The following MKLN1 variants were observed in gnomAD, a reference collection of about 807,000 sequenced individuals.
MKLN1 encodes the protein muskelin.
In MKLN1, 18 loss-of-function variants were observed where a neutral mutation model predicts 99.0. The observed-to-expected ratio is 0.18, with a 90% CI of 0.13 to 0.27. MKLN1 has a LOEUF of 0.27. MKLN1 is among the 10% of genes least tolerant of loss of function. The pLI is 1.00. For synonymous variants in MKLN1, 288 were observed against 293.2 expected, an observed-to-expected ratio of 0.98 and a Z score of 0.18; for missense variants, 621 against 875.9, an observed-to-expected ratio of 0.71 and a Z score of 3.67.
At chr7:131,208,046 T>C (rs928124939) in intron 3 of MKLN1, among the ~76,000 whole-genome samples, 5 of 152,190 alleles carry the variant, frequency 3.3e-5, no homozygotes, top group Non-Finnish European at 5.9e-5. Flanking sequence ...TTTTCAATTG[T>C]CCCAGACCTT....
At position 131,496,008 on chromosome 7, in the gene MKLN1, C is replaced by T. The variant is rs1797548408; in HGVS notation, c.*8280C>T. On this transcript the variant is annotated 3_prime_UTR_variant, in exon 18 of 18. Transcript: ENST00000352689. ...CCAAAAGAAAAACAGACAAAATGAA[C>T]ATGAAGCAAGGAGTCCATAAAACAA... 6.6e-6 allele frequency: 1 copy of T among 151,206 alleles called. No individual in the cohort carries two copies. The highest frequency in any genetic ancestry group is 2.1e-4 in the South Asian group (1 of 4,834). 9.4% of individuals were successfully genotyped at this position (151,206 alleles called of 1,614,324 possible).
At chr7:131,341,924 C>G (rs1490376980) in intron 1 of MKLN1, among the ~76,000 whole-genome samples, 1 of 152,230 alleles carries the variant, frequency 6.6e-6, no homozygotes, top group Non-Finnish European at 1.5e-5. Context: ...CAGTTCCTTA[C>G]AGGAACCAGT....
chr7:131,305,937 G>C (rs1443398860), intron 3 of MKLN1, among the ~76,000 whole-genome samples: 2 of 152,154 alleles, frequency 1.3e-5, no homozygotes, highest in Admixed American at 1.3e-4. Flanking sequence ...TCCCCACCCA[G>C]ATCTCATCTC....
intron 1 of MKLN1, among the ~76,000 whole-genome samples, chr7:131,372,545 C>G (rs1192618341): frequency 6.6e-6 from 1 of 152,010 alleles, no homozygotes; most frequent in African/African-American, 2.4e-5. Context: ...TTTTCCCCTT[C>G]ACTTACTATG....
chr7:131,199,668 G>A (rs369863068), intron 2 of MKLN1, among the ~76,000 whole-genome samples: 1 of 152,128 alleles, frequency 6.6e-6, no homozygotes, highest in East Asian at 1.9e-4. Context: ...CTTTTTCTGA[G>A]CACGTGAAAT....
intron 6 of MKLN1, among the ~76,000 whole-genome samples, chr7:131,404,294 G>A (rs1372142550): frequency 1.3e-5 from 2 of 152,134 alleles, no homozygotes; most frequent in Non-Finnish European, 2.9e-5. Context: ...TACTAGTGAA[G>A]GCAACTGGAC....
At chr7:131,336,258 C>A (rs747768104) in intron 1 of MKLN1, among the ~76,000 whole-genome samples, 2 of 152,028 alleles carry the variant, frequency 1.3e-5, no homozygotes, top group Non-Finnish European at 2.9e-5. Context: ...GCTACACCTG[C>A]TTTATTTTGG....
intron 2 of MKLN1, among the ~76,000 whole-genome samples, chr7:131,169,117 G>A (rs1314433267): frequency 6.6e-6 from 1 of 152,056 alleles, no homozygotes; most frequent in Non-Finnish European, 1.5e-5. Flanking sequence ...TGCCCTCCTT[G>A]GCCTCCCAAA....
intron 3 of MKLN1, among the ~76,000 whole-genome samples, chr7:131,282,569 T>A (rs1268326034): frequency 2.6e-5 from 4 of 152,150 alleles, no homozygotes; most frequent in Non-Finnish European, 5.9e-5. Flanking sequence ...TATAGAGGTC[T>A]AGGAGAAATA....
chr7:131,202,679 C>T (rs1341704857), intron 2 of MKLN1, among the ~76,000 whole-genome samples: 5 of 152,180 alleles, frequency 3.3e-5, no homozygotes, highest in African/African-American at 4.8e-5. Flanking sequence ...TCATCACAAA[C>T]GTCTCCAGAC....
intron 3 of MKLN1, among the ~76,000 whole-genome samples, chr7:131,207,632 G>C (rs966963048): frequency 6.6e-6 from 1 of 152,158 alleles, no homozygotes. Context: ...CGGTTTCAAT[G>C]TACCATGGCC....
chr7:131,347,810 T>C (rs771724402), intron 1 of MKLN1, among the ~76,000 whole-genome samples: 3 of 152,228 alleles, frequency 2.0e-5, no homozygotes, highest in Non-Finnish European at 4.4e-5. Flanking sequence ...TGGATTAATA[T>C]TACTAGTAAG....
intron 1 of MKLN1, among the ~76,000 whole-genome samples, chr7:131,328,907 C>G (rs754470297): frequency 6.6e-6 from 1 of 152,082 alleles, no homozygotes; most frequent in Non-Finnish European, 1.5e-5. Context: ...TTTGGCTTAT[C>G]TTTGAAAGGA....
intron 2 of MKLN1, among the ~76,000 whole-genome samples, chr7:131,164,085 A>G (rs1468016599): frequency 6.6e-6 from 1 of 152,188 alleles, no homozygotes; most frequent in Non-Finnish European, 1.5e-5. Flanking sequence ...GCTTTTAAAC[A>G]GAAAAATAGA....
At chr7:131,427,333 A>G (rs1795387803) in intron 8 of MKLN1, among the ~76,000 whole-genome samples, 1 of 152,214 alleles carries the variant, frequency 6.6e-6, no homozygotes, top group African/African-American at 2.4e-5. Flanking sequence ...AGCATTTCCA[A>G]GTACACTTTG....
At chr7:131,246,398 C>A (rs749549411) in intron 3 of MKLN1, among the ~76,000 whole-genome samples, 1 of 152,192 alleles carries the variant, frequency 6.6e-6, no homozygotes, top group African/African-American at 2.4e-5. Context: ...TAAAGCTTCA[C>A]CCTAGACTAT....
intron 1 of MKLN1, among the ~76,000 whole-genome samples, chr7:131,116,323 A>G (rs997467548): frequency 3.9e-5 from 6 of 152,028 alleles, no homozygotes; most frequent in African/African-American, 1.5e-4. Context: ...GGATTTTAAG[A>G]TTTTGGAAGT....
intron 2 of MKLN1, among the ~76,000 whole-genome samples, chr7:131,154,554 A>G (rs1795937060): frequency 6.6e-6 from 1 of 152,184 alleles, no homozygotes; most frequent in African/African-American, 2.4e-5. Flanking sequence ...ATGTATAGAC[A>G]TGTCTCCTAG....
chr7:131,166,738 T>A (rs191447418), intron 2 of MKLN1, among the ~76,000 whole-genome samples: 3 of 152,346 alleles, frequency 2.0e-5, no homozygotes, highest in Admixed American at 1.3e-4. Context: ...CAGGCTGGAG[T>A]GCAGTGGCAC....
Sources: allele counts gnomAD v4.1 joint callset (sites outside exome capture counted in the v4.1 genomes callset), GRCh38; gene constraint gnomAD v4.1.1; transcripts MANE v1.5; gene names NCBI Gene and HGNC (gene_info 2026-07-23, HGNC 2026-07-21).